DLG2: variants seen among roughly 807,000 people sequenced by gnomAD.
DLG2 encodes discs large MAGUK scaffold protein 2.
In DLG2, 45 loss-of-function variants were observed where a neutral mutation model predicts 132.5. The observed-to-expected ratio is 0.34, with a 90% CI of 0.27 to 0.44. DLG2 has a LOEUF of 0.44. Ranked by LOEUF, DLG2 falls within the 20% of genes least tolerant of loss-of-function variation. The pLI, the probability that DLG2 is intolerant of heterozygous loss-of-function variation, is 1.00. For synonymous variants in DLG2, 424 were observed against 419.6 expected (o/e 1.01, Z -0.13); for missense variants, 1,045 against 1,196.9 (o/e 0.87, Z 1.87).
At chr11:84,061,306 A>G (rs1336770924) in intron 10 of DLG2, among the ~76,000 whole-genome samples, 1 of 152,320 alleles carries the variant, frequency 6.6e-6, no homozygotes, top group Admixed American at 6.5e-5. Flanking sequence ...CACTTAGTAC[A>G]TACTCTCTTA....
intron 2 of DLG2, among the ~76,000 whole-genome samples, chr11:85,609,722 T>A (rs909511676): frequency 3.9e-5 from 6 of 152,080 alleles, no homozygotes; most frequent in African/African-American, 9.7e-5. Flanking sequence ...GTTATCACCC[T>A]CACTGAGCCC....
intron 3 of DLG2, among the ~76,000 whole-genome samples, chr11:85,533,877 T>G (rs1018055759): frequency 6.6e-6 from 1 of 152,222 alleles, no homozygotes; most frequent in Non-Finnish European, 1.5e-5. Context: ...AAGAATAAGA[T>G]TAGCTAAGAA....
At chr11:84,995,152 C>A (rs2057511303) in intron 6 of DLG2, among the ~76,000 whole-genome samples, 2 of 152,144 alleles carry the variant, frequency 1.3e-5, no homozygotes, top group South Asian at 4.1e-4. Flanking sequence ...GGATGATAAA[C>A]TTTATTTTCT....
At chr11:85,066,205 T>C (rs1444515825) in intron 6 of DLG2, among the ~76,000 whole-genome samples, 1 of 151,476 alleles carries the variant, frequency 6.6e-6, no homozygotes, top group Non-Finnish European at 1.5e-5. Context: ...CCAGAAAAGA[T>C]GAACAAATTC....
intron 19 of DLG2, among the ~76,000 whole-genome samples, chr11:83,621,092 C>T (rs35179447): frequency 0.042 from 6,462 of 152,064 alleles, 178 homozygotes; most frequent in South Asian, 0.12. Context: ...TTCTGATGCT[C>T]AGATTATGTT....
At chr11:83,944,153 G>A (rs748724386) in intron 14 of DLG2, among the ~76,000 whole-genome samples, 1 of 152,092 alleles carries the variant, frequency 6.6e-6, no homozygotes, top group Non-Finnish European at 1.5e-5. Context: ...AGCTAAAAAT[G>A]ACTAAGCATT....
chr11:83,627,361 CCCCCA>C (rs1214217889), intron 19 of DLG2, among the ~76,000 whole-genome samples: 2 of 150,938 alleles, frequency 1.3e-5, no homozygotes, highest in Non-Finnish European at 3.0e-5. Flanking sequence ...CTCCCCTCTT[CCCCCA>C]CCCCACCCCA....
At chr11:85,185,883 C>T (rs944236357) in intron 4 of DLG2, among the ~76,000 whole-genome samples, 4 of 151,822 alleles carry the variant, frequency 2.6e-5, no homozygotes, top group African/African-American at 7.2e-5. Context: ...ATATAATTAC[C>T]GCCACTTCTC....
rs979293539 is a variant in DLG2 at position 85,554,100 on chromosome 11, C to G, written c.40+44557G>C. 4.0e-5 allele frequency among the ~76,000 whole-genome samples: 6 copies of G among 150,232 alleles called. 1 individual carries two copies. The highest frequency in any genetic ancestry group is 8.9e-5 in the Non-Finnish European group (6 of 67,396). ...AAAACTTCTATCCAAGATCTCAACT[C>G]AAGAAGTTTTTAAAAGGACAATAGA... On this transcript the variant is annotated intron_variant, in intron 3 of 27. Coordinates refer to ENST00000376104, the MANE Select transcript of DLG2 (RefSeq NM_001142699.3).
At position 84,039,957 on chromosome 11, in the gene DLG2, T is replaced by C. The variant is rs1428604995; in HGVS notation, c.919+19358A>G. ...TCTCATTGTGGTTTTGATTTGCATT[T>C]CTCTGATGGCCAGTGATGATGAGCA... is the stretch of plus-strand genomic sequence containing the variant. On this transcript the variant is annotated intron_variant, in intron 11 of 27. Transcript: ENST00000376104. 4.0e-5 allele frequency among the ~76,000 whole-genome samples: 6 copies of C among 148,816 alleles called. No individual in the cohort carries two copies. The East Asian group carries it at 1.2e-3, about 30-fold the overall frequency.
chr11:83,620,276 T>C (rs78345989), intron 19 of DLG2, among the ~76,000 whole-genome samples: 1 of 100,446 alleles, frequency 1.0e-5, no homozygotes, highest in Non-Finnish European at 2.2e-5. Context: ...AAATCTGTTT[T>C]TTTAAACACA....
At chr11:84,910,365 C>T (rs1003468533) in intron 6 of DLG2, among the ~76,000 whole-genome samples, 1 of 152,076 alleles carries the variant, frequency 6.6e-6, no homozygotes, top group Non-Finnish European at 1.5e-5. Context: ...ATTTTCATTA[C>T]CTGAATTTTT....
rs1555194131 is a variant in DLG2 at position 83,945,845 on chromosome 11, T to TGTGTG, written c.1341-15363_1341-15362insCACAC. 5.5e-3 allele frequency among the ~76,000 whole-genome samples: 831 copies of TGTGTG among 150,722 alleles called. 5 individuals are homozygous for TGTGTG. Among genetic ancestry groups the TGTGTG allele is most frequent in the African/African-American group, 0.019 (786 of 40,776 alleles). On this transcript the variant is annotated intron_variant, in intron 14 of 27. Transcript: ENST00000376104. ...GTGTGTGTGTGTGTGTGTGTGTGTGTTTTCTAATGTGCTTTTACTTTTTGC... is the reference window on the plus strand; with the variant it reads ...GTGTGTGTGTGTGTGTGTGTGTGTGTGTGTGTTTCTAATGTGCTTTTACTTTTTGC...
At chr11:83,717,128 G>GA (rs1226557499) in intron 18 of DLG2, among the ~76,000 whole-genome samples, 1 of 152,014 alleles carries the variant, frequency 6.6e-6, no homozygotes, top group African/African-American at 2.4e-5. Context: ...GTCTTTTCGA[G>GA]AAAGTACAGT....
rs77392977 is a variant in DLG2, at chr11:83,910,129, A to G, written c.1496+20199T>C. 3.7e-4 allele frequency among the ~76,000 whole-genome samples: 57 copies of G among 152,282 alleles called. 4 individuals carry two copies. In the East Asian group the frequency reaches 0.01, roughly 27 times the overall value. ...ATCAACCAAGTGAAGTGGAGTGTAG[A>G]CTACATTGAAAAGTTGGACTGAAAA... On this transcript the variant is annotated intron_variant, in intron 15 of 27. Transcript: ENST00000376104.
intron 7 of DLG2, among the ~76,000 whole-genome samples, chr11:84,367,258 T>C (rs1225420187): frequency 1.3e-5 from 2 of 152,210 alleles, no homozygotes; most frequent in Admixed American, 6.6e-5. Flanking sequence ...GAGGACAAAA[T>C]AGTAAATATT....
At chr11:85,259,080 G>T (rs141864835) in intron 4 of DLG2, among the ~76,000 whole-genome samples, 2 of 152,088 alleles carry the variant, frequency 1.3e-5, no homozygotes, top group African/African-American at 2.4e-5. Context: ...TGGTTTGGTT[G>T]TATGTCCCCA....
chr11:85,099,796 A>G (rs943089225), intron 6 of DLG2, among the ~76,000 whole-genome samples: 8 of 152,206 alleles, frequency 5.3e-5, no homozygotes, highest in African/African-American at 1.9e-4. Context: ...ACCAGATAAA[A>G]GAGAACATGA....
intron 4 of DLG2, among the ~76,000 whole-genome samples, chr11:85,189,571 G>T (rs1169039766): frequency 6.6e-6 from 1 of 152,176 alleles, no homozygotes; most frequent in Non-Finnish European, 1.5e-5. Context: ...AGAGATCAGT[G>T]GTTGTCATAG....
Sources: gnomAD v4.1 joint callset for allele counts (sites outside exome capture counted in the v4.1 genomes callset) on GRCh38, gnomAD v4.1.1 for gene constraint, MANE v1.5 for transcripts, NCBI Gene and HGNC (gene_info 2026-07-23, HGNC 2026-07-21) for gene names.